The following ICMT variants were observed in gnomAD, a reference collection of about 807,000 sequenced individuals.
ICMT encodes protein-S-isoprenylcysteine O-methyltransferase.
Under a neutral mutation model 32.2 loss-of-function variants are expected in ICMT, and 10 were observed. The ratio of observed to expected loss-of-function variants is 0.31; its 90% CI spans 0.19 to 0.53. ICMT has a LOEUF of 0.53. Ranked by LOEUF, ICMT falls within the 20% of genes least tolerant of loss-of-function variation. The pLI, the probability that ICMT is intolerant of heterozygous loss-of-function variation, is 0.96. For synonymous variants in ICMT, 183 were observed against 158.2 expected (o/e 1.16, Z -1.18); for missense variants, 265 against 356.9 (o/e 0.74, Z 2.07).
chr1:6,221,527 A>T lies in ICMT; in HGVS notation c.*3553T>A, dbSNP rs1460270330. 1 of 152,740 alleles carries T rather than the reference A, an allele frequency of 6.5e-6. No homozygotes were observed. Among genetic ancestry groups the T allele is most frequent in the East Asian group, 1.9e-4 (1 of 5,198 alleles). 9.5% of individuals were successfully genotyped at this position (152,740 alleles called of 1,614,324 possible). ...AAGCCCAACTACCTAAGGCAGGAAG[A>T]AAGTGCAGTGAAGGGACAGTGGTGT... On this transcript the variant is annotated 3_prime_UTR_variant, in exon 5 of 5. Transcript: ENST00000343813.
rs1553151058 is a variant in ICMT at position 6,235,951 on chromosome 1, T to TAGCCCGGGGAAACGCGCCGGCTGC, written c.-41_-40insGCAGCCGGCGCGTTTCCCCGGGCT. The TAGCCCGGGGAAACGCGCCGGCTGC allele has an allele frequency of 9.7e-7, 1 of 1,025,890 alleles. No individual in the cohort carries two copies. Among genetic ancestry groups the TAGCCCGGGGAAACGCGCCGGCTGC allele is most frequent in the Non-Finnish European group, 1.2e-6 (1 of 841,804 alleles). The allele number at this position is 1,025,890 out of a possible 1,614,324, so 63.5% of individuals were successfully genotyped here. On this transcript the variant is annotated 5_prime_UTR_variant, in exon 1 of 5. Coordinates refer to ENST00000343813, the MANE Select transcript of ICMT (RefSeq NM_012405.4). ...GACTAGCGGGCGGCGGCGCCGGCTG[T>TAGCCCGGGGAAACGCGCCGGCTGC]AGCCCGGAGAAACGCGCCGGCTGCG...
At chr1:6,231,872 A>T in intron 4 of ICMT, 30 bp downstream of exon 4, 1 of 1,343,482 alleles carries the variant, frequency 7.4e-7, no homozygotes, top group Non-Finnish European at 1.0e-6. Context: ...AAAAAAAAAA[A>T]GAAAAGCAGT....
At chr1:6,230,669 C>T (rs1668720696) in intron 4 of ICMT, among the ~76,000 whole-genome samples, 1 of 148,830 alleles carries the variant, frequency 6.7e-6, no homozygotes. Context: ...GCGGGCAGAT[C>T]ATGAGGTCAG....
intron 4 of ICMT, among the ~76,000 whole-genome samples, chr1:6,226,491 C>T (rs977993346): frequency 6.6e-6 from 1 of 152,214 alleles, no homozygotes; most frequent in African/African-American, 2.4e-5. Flanking sequence ...CTCACCTACA[C>T]CTGCCCACTG....
intron 4 of ICMT, among the ~76,000 whole-genome samples, chr1:6,226,225 G>A (rs901257893): frequency 3.3e-5 from 5 of 152,008 alleles, no homozygotes; most frequent in Non-Finnish European, 4.4e-5. Flanking sequence ...GCGAATCCCC[G>A]TCTCTACCAA....
chr1:6,229,962 G>A (rs1668707509), intron 4 of ICMT, among the ~76,000 whole-genome samples: 1 of 151,946 alleles, frequency 6.6e-6, no homozygotes, highest in Non-Finnish European at 1.5e-5. Flanking sequence ...CTGCCTCCCA[G>A]GTTCAAGCAA....
At chr1:6,227,153 A>ACAC (rs1365872494) in intron 4 of ICMT, among the ~76,000 whole-genome samples, 1 of 152,266 alleles carries the variant, frequency 6.6e-6, no homozygotes, top group Non-Finnish European at 1.5e-5. Context: ...CCTTTCATAC[A>ACAC]CACACAAGTG....
intron 3 of ICMT, among the ~76,000 whole-genome samples, chr1:6,233,169 G>T (rs1434676644): frequency 1.3e-5 from 2 of 152,226 alleles, no homozygotes; most frequent in African/African-American, 4.8e-5. Flanking sequence ...ACTCTTACAT[G>T]AAACGTCTAA....
At chr1:6,235,029 G>A in intron 1 of ICMT, 55 bp from the exon 2 acceptor site, 1 of 1,455,090 alleles carries the variant, frequency 6.9e-7, no homozygotes, top group Non-Finnish European at 9.6e-7. Context: ...GTACAGATCT[G>A]GGCTGCTGAC....
In ICMT at chr1:6,235,784, C is replaced by A; in HGVS notation, c.128G>T (p.Gly43Val). The A allele has an allele frequency of 7.5e-7, 1 of 1,335,298 alleles. No homozygotes were observed. The highest frequency in any genetic ancestry group is 9.7e-7 in the Non-Finnish European group (1 of 1,034,460). The allele number at this position is 1,335,298 out of a possible 1,614,324, so 82.7% of individuals were successfully genotyped here. ...GAGCCCGGCCACGTAGAGCGCCAGC[C>A]CGGTGCGGCCCTGCAGGCCGGCGCG... The part of the protein sequence containing the change: ...LTRAGLQGRT[G>V]LALYVAGLNA... The change falls in exon 1 of 5, where the codon GGG (glycine) becomes GTG (valine). Residue 43 changes from glycine to valine, a missense_variant. Transcript: ENST00000343813.
rs1422177675 is a variant in ICMT, at chr1:6,235,932, C to A, written c.-21G>T. ...GCCATGGCGCCGGGCGGCGGACTAG[C>A]GGGCGGCGGCGCCGGCTGTAGCCCG... On this transcript the variant is annotated 5_prime_UTR_variant, in exon 1 of 5. Coordinates refer to ENST00000343813, the MANE Select transcript of ICMT (RefSeq NM_012405.4). 2 of 1,094,916 alleles carry A rather than the reference C, an allele frequency of 1.8e-6. No homozygotes were observed. Among genetic ancestry groups the A allele is most frequent in the African/African-American group, 3.3e-5 (2 of 59,848 alleles). The allele number at this position is 1,094,916 out of a possible 1,614,324, so 67.8% of individuals were successfully genotyped here.
intron 4 of ICMT, among the ~76,000 whole-genome samples, chr1:6,226,171 A>C (rs1429690672): frequency 6.6e-6 from 1 of 152,176 alleles, no homozygotes; most frequent in African/African-American, 2.4e-5. Context: ...CAAGGAGGGC[A>C]GATCACCTGA....
At chr1:6,226,786 G>T (rs1450902547) in intron 4 of ICMT, among the ~76,000 whole-genome samples, 1 of 152,140 alleles carries the variant, frequency 6.6e-6, no homozygotes, top group Non-Finnish European at 1.5e-5. Flanking sequence ...ATATTGCCCA[G>T]GCTGGACTTG....
In ICMT at chr1:6,228,814, G is replaced by C. The variant is rs549814648; in HGVS notation, c.672+3088C>G. On this transcript the variant is annotated intron_variant, in intron 4 of 4. Transcript: ENST00000343813. ...GGCTGAAGCGGGTGGATCATCTGAG[G>C]TCAGGAGTTTGAGAACCGCCTGGCC... 1.1e-4 allele frequency among the ~76,000 whole-genome samples: 17 copies of C among 148,612 alleles called. No homozygotes were observed. The East Asian group carries it at 3.5e-3, about 30-fold the overall frequency.
At chr1:6,234,583 C>A in intron 2 of ICMT, 1 of 492,680 alleles carries the variant, frequency 2.0e-6, no homozygotes. Flanking sequence ...CCACCGAGGA[C>A]CTGCACCCCT....
intron 4 of ICMT, among the ~76,000 whole-genome samples, chr1:6,226,430 G>A (rs1191593220): frequency 6.6e-6 from 1 of 152,114 alleles, no homozygotes; most frequent in Non-Finnish European, 1.5e-5. Flanking sequence ...CTGATCTCCA[G>A]CCAAACAGTC....
At chr1:6,227,686 T>G (rs969604938) in intron 4 of ICMT, among the ~76,000 whole-genome samples, 1 of 152,152 alleles carries the variant, frequency 6.6e-6, no homozygotes, top group Admixed American at 6.5e-5. Flanking sequence ...AAACCCCGTC[T>G]CTACTAAAAA....
intron 4 of ICMT, among the ~76,000 whole-genome samples, chr1:6,230,086 T>A (rs1019594502): frequency 2.0e-5 from 3 of 151,388 alleles, no homozygotes; most frequent in Non-Finnish European, 4.4e-5. Context: ...GCCCAGGAGT[T>A]CAAGACCAGC....
chr1:6,225,412 C>T, intron 4 of ICMT, 150 bp from the exon 5 acceptor site: 1 of 689,146 alleles, frequency 1.5e-6, no homozygotes, highest in South Asian at 1.9e-5. Flanking sequence ...GTCACCTTAG[C>T]CCTGAGCACT....
Sources: allele counts gnomAD v4.1 joint callset (sites outside exome capture counted in the v4.1 genomes callset), GRCh38; gene constraint gnomAD v4.1.1; transcripts MANE v1.5; gene names NCBI Gene and HGNC (gene_info 2026-07-23, HGNC 2026-07-21).